MALRD1: variants seen among roughly 807,000 people sequenced by gnomAD.
MALRD1 encodes MAM and LDL-receptor class A domain-containing protein 1.
In MALRD1, 247 loss-of-function variants were observed where a neutral mutation model predicts 242.1. The ratio of observed to expected loss-of-function variants is 1.02; its 90% CI spans 0.92 to 1.13. The LOEUF (loss-of-function observed/expected upper bound fraction) is 1.13. MALRD1 is among the 50% of genes most tolerant of loss of function. The probability of loss-of-function intolerance (pLI) is 0.00; values close to 1 mark genes in which losing one functional copy is unlikely to be tolerated. For missense variants in MALRD1, 2,989 were observed against 2,533.1 expected, an observed-to-expected ratio of 1.18 and a Z score of -3.86; for synonymous variants, 995 against 866.6, an observed-to-expected ratio of 1.15 and a Z score of -2.60.
chr10:19,618,650 C>T (rs1442188847), intron 36 of MALRD1, among the ~76,000 whole-genome samples: 2 of 152,002 alleles, frequency 1.3e-5, no homozygotes, highest in African/African-American at 4.8e-5. Context: ...AATGTCTTTT[C>T]ATGTCTTTTG....
chr10:19,428,205 G>A (rs548176258), intron 28 of MALRD1, among the ~76,000 whole-genome samples: 1 of 151,344 alleles, frequency 6.6e-6, no homozygotes, highest in Non-Finnish European at 1.5e-5. Context: ...ATCTCCAAGC[G>A]TTTCACCGAG....
At chr10:19,614,478 A>G (rs1486867198) in intron 35 of MALRD1, among the ~76,000 whole-genome samples, 1 of 152,054 alleles carries the variant, frequency 6.6e-6, no homozygotes, top group Non-Finnish European at 1.5e-5. Flanking sequence ...GTGTTGAATT[A>G]TACCCCATAA....
At chr10:19,387,380 G>C (rs1846126024) in intron 26 of MALRD1, 148 bp from the exon 27 acceptor site, 15 of 865,772 alleles carry the variant, frequency 1.7e-5, no homozygotes, top group Admixed American at 3.0e-5. Flanking sequence ...CAGAGTGGGA[G>C]AGAGAGAGAT....
intron 21 of MALRD1, among the ~76,000 whole-genome samples, chr10:19,305,572 T>C: frequency 6.6e-6 from 1 of 151,112 alleles, no homozygotes; most frequent in Admixed American, 6.6e-5. Flanking sequence ...CTATGGGCAA[T>C]TATTGGGCAG....
chr10:19,663,823 G>A (rs966261749), intron 36 of MALRD1, among the ~76,000 whole-genome samples: 52 of 152,012 alleles, frequency 3.4e-4, no homozygotes, highest in Admixed American at 3.4e-3. Context: ...TATTGTTCTG[G>A]ACAACAGGTG....
upstream of MALRD1, among the ~76,000 whole-genome samples, chr10:19,048,128 T>G (rs930178497): frequency 1.2e-4 from 19 of 152,170 alleles, no homozygotes; most frequent in Non-Finnish European, 2.6e-4. Context: ...TCGTGATGAA[T>G]TGACAGGTGA....
At chr10:19,731,091 A>T (rs949723717) in intron 39 of MALRD1, among the ~76,000 whole-genome samples, 2 of 152,228 alleles carry the variant, frequency 1.3e-5, no homozygotes, top group Admixed American at 6.5e-5. Context: ...TAACCCACAG[A>T]GTATTAGTCA....
At chr10:19,395,425 G>A (rs1846532628) in intron 28 of MALRD1, among the ~76,000 whole-genome samples, 1 of 152,150 alleles carries the variant, frequency 6.6e-6, no homozygotes, top group Admixed American at 6.5e-5. Context: ...ACTCGAACTG[G>A]GGAGAGGGCT....
intron 25 of MALRD1, 45 bp downstream of exon 25, chr10:19,348,063 T>C (rs1463669868): frequency 2.6e-6 from 4 of 1,523,004 alleles, no homozygotes; most frequent in African/African-American, 2.8e-5. Context: ...CACAGAATTA[T>C]TGTGAGCAAG....
chr10:19,333,140 T>A (rs561539857), intron 24 of MALRD1, among the ~76,000 whole-genome samples: 21 of 148,322 alleles, frequency 1.4e-4, no homozygotes, highest in South Asian at 2.1e-4. Flanking sequence ...CACTTCTTTT[T>A]AAAAAAAAAA....
chr10:19,069,238 A>G (rs186676950), intron 2 of MALRD1, among the ~76,000 whole-genome samples: 2 of 152,194 alleles, frequency 1.3e-5, no homozygotes, highest in East Asian at 3.9e-4. Context: ...ATCAGTTTTA[A>G]ATGAGGATAT....
chr10:19,726,137 A>G (rs1404409058), intron 38 of MALRD1, among the ~76,000 whole-genome samples: 2 of 152,226 alleles, frequency 1.3e-5, no homozygotes, highest in Admixed American at 6.5e-5. Context: ...TTGTGCAACA[A>G]AAGACATTAT....
At chr10:19,615,040 A>G (rs1022156451) in intron 35 of MALRD1, among the ~76,000 whole-genome samples, 1 of 152,088 alleles carries the variant, frequency 6.6e-6, no homozygotes, top group Non-Finnish European at 1.5e-5. Context: ...AGATGACTAT[A>G]GTTAACAATA....
chr10:19,116,811 G>A (rs932999448), intron 5 of MALRD1, among the ~76,000 whole-genome samples: 7 of 152,098 alleles, frequency 4.6e-5, no homozygotes, highest in South Asian at 2.1e-4. Context: ...AAAAAGAGTT[G>A]GGCACAGTGG....
chr10:19,595,873 A>T (rs1838072191), intron 34 of MALRD1, among the ~76,000 whole-genome samples: 1 of 152,190 alleles, frequency 6.6e-6, no homozygotes, highest in Non-Finnish European at 1.5e-5. Flanking sequence ...ACAAATATTG[A>T]TTTTAATGGG....
chr10:19,581,223 T>G (rs1450091767), intron 33 of MALRD1, among the ~76,000 whole-genome samples: 1 of 151,836 alleles, frequency 6.6e-6, no homozygotes, highest in Non-Finnish European at 1.5e-5. Context: ...ATTTATTTAT[T>G]TATTTATTAT....
intron 33 of MALRD1, among the ~76,000 whole-genome samples, chr10:19,587,208 C>T (rs944481438): frequency 6.6e-6 from 1 of 152,230 alleles, no homozygotes; most frequent in Non-Finnish European, 1.5e-5. Flanking sequence ...ACGCTAGGAG[C>T]TGTAGACCGG....
chr10:19,467,056 A>G (rs1435733867), intron 29 of MALRD1, among the ~76,000 whole-genome samples: 1 of 151,984 alleles, frequency 6.6e-6, no homozygotes, highest in Non-Finnish European at 1.5e-5. Context: ...CTTCAGTTCA[A>G]TTTAAGGACC....
At position 19,100,598 on chromosome 10, in the gene MALRD1, A is replaced by C. The variant is rs182146296; in HGVS notation, c.598-3381A>C. On this transcript the variant is annotated intron_variant, in intron 4 of 39. Transcript: ENST00000454679. The stretch of plus-strand genomic sequence containing the variant: ...TGGAGAGCAGCTTTCTTCTGGTACC[A>C]CTGTCAGGAAATGAGAGTGAGATGA... 1.8e-3 allele frequency among the ~76,000 whole-genome samples: 280 copies of C among 152,290 alleles called. 2 individuals are homozygous for C. Among genetic ancestry groups the C allele is most frequent in the African/African-American group, 6.3e-3 (262 of 41,560 alleles).
Sources: gnomAD v4.1 joint callset for allele counts (sites outside exome capture counted in the v4.1 genomes callset) on GRCh38, gnomAD v4.1.1 for gene constraint, MANE v1.5 for transcripts, NCBI Gene and HGNC (gene_info 2026-07-23, HGNC 2026-07-21) for gene names.